The following PPP1R12B variants were observed in gnomAD, a reference collection of about 807,000 sequenced individuals.
PPP1R12B encodes myosin phosphatase target subunit 2.
Under a neutral mutation model 126.1 loss-of-function variants are expected in PPP1R12B, and 76 were observed. The observed-to-expected ratio is 0.60, with a 90% CI of 0.50 to 0.73. The LOEUF (loss-of-function observed/expected upper bound fraction) is 0.73. Among genes scored for constraint, PPP1R12B ranks in the 30% least tolerant of loss-of-function variants. The pLI is 0.00. For synonymous variants in PPP1R12B, 356 were observed against 434.7 expected, an observed-to-expected ratio of 0.82 and a Z score of 2.25; for missense variants, 1,052 against 1,205.1, an observed-to-expected ratio of 0.87 and a Z score of 1.88.
intron 13 of PPP1R12B, among the ~76,000 whole-genome samples, chr1:202,472,477 T>C (rs1032332489): frequency 2.0e-5 from 3 of 152,186 alleles, no homozygotes; most frequent in Non-Finnish European, 2.9e-5. Flanking sequence ...ACTGGCCTTG[T>C]TGGTGCTTGA....
intron 1 of PPP1R12B, among the ~76,000 whole-genome samples, chr1:202,395,114 CAAAAAA>C (rs71142529): frequency 1.6e-3 from 156 of 97,916 alleles, no homozygotes; most frequent in African/African-American, 6.2e-3. Flanking sequence ...GAGACTCTCT[CAAAAAA>C]AAAAAAAAAA....
At chr1:202,450,531 C>G (rs1672803492) in intron 13 of PPP1R12B, among the ~76,000 whole-genome samples, 1 of 152,164 alleles carries the variant, frequency 6.6e-6, no homozygotes, top group Admixed American at 6.5e-5. Context: ...CAGGTGAAAT[C>G]TTATCAAAAT....
At chr1:202,439,218 G>T in intron 10 of PPP1R12B, 1 of 1,423,582 alleles carries the variant, frequency 7.0e-7, no homozygotes, top group Non-Finnish European at 9.9e-7. Context: ...TGCTCCTGCA[G>T]CCTCGTTGGA....
At chr1:202,350,546 A>G (rs1409547060) in intron 1 of PPP1R12B, among the ~76,000 whole-genome samples, 1 of 152,242 alleles carries the variant, frequency 6.6e-6, no homozygotes, top group Non-Finnish European at 1.5e-5. Context: ...GATAAAAGCT[A>G]AGAGAACCAC....
At chr1:202,351,596 G>A (rs1476430722) in intron 1 of PPP1R12B, among the ~76,000 whole-genome samples, 1 of 152,258 alleles carries the variant, frequency 6.6e-6, no homozygotes, top group African/African-American at 2.4e-5. Context: ...GACTGGAGCT[G>A]TTGGTAGCTG....
rs1331355816 is a variant in PPP1R12B at position 202,430,690 on chromosome 1, G to A, written c.922-41G>A. The A allele has an allele frequency of 5.0e-6, 8 of 1,604,628 alleles. No individual in the cohort carries two copies. In the Admixed American group the frequency reaches 1.4e-4, roughly 27 times the overall value. ...CAATACTGCTGATTTTTCACCAATAGTCAACTTCTTCCCTTTTCTCTCTGT... is the reference window on the plus strand; with the variant it reads ...CAATACTGCTGATTTTTCACCAATAATCAACTTCTTCCCTTTTCTCTCTGT... On this transcript the variant is annotated intron_variant, in intron 6 of 23. Transcript: ENST00000608999.
chr1:202,395,530 C>G (rs1204175568), intron 1 of PPP1R12B, among the ~76,000 whole-genome samples: 2 of 152,126 alleles, frequency 1.3e-5, no homozygotes, highest in African/African-American at 4.8e-5. Flanking sequence ...GGTGATTTTT[C>G]CCTCCACCTT....
In PPP1R12B at chr1:202,574,956, C is replaced by T. The variant is rs781735782; in HGVS notation, c.2863-5518C>T. ...TTCTCTCCTCTGGTCTGTCTTGTCT[C>T]TCTCTGTCTTTTCTGTCTGTCCTTT... On this transcript the variant is annotated intron_variant, in intron 23 of 23. Transcript: ENST00000608999. The T allele has an allele frequency of 2.6e-6, 4 of 1,526,740 alleles. No individual in the cohort carries two copies. In the South Asian group the frequency reaches 4.5e-5, roughly 17 times the overall value. 94.6% of individuals were successfully genotyped at this position (1,526,740 alleles called of 1,614,324 possible). A position where few individuals can be genotyped will look rare whatever the true frequency, so the allele number is the denominator to read the frequency against.
intron 22 of PPP1R12B, 46 bp from the exon 23 acceptor site, chr1:202,569,101 C>T (rs1346156056): frequency 1.9e-6 from 3 of 1,594,764 alleles, no homozygotes; most frequent in African/African-American, 2.7e-5. Flanking sequence ...ATTTTTACTC[C>T]CTTCTGAATT....
At position 202,585,301 on chromosome 1, in the gene PPP1R12B, A is replaced by G. The variant is rs1689752390; in HGVS notation, c.*4741A>G. ...CGTAAGGGCCCACGCCCAGCCTACCATACTGATTTTCAAGGCAGGGTCTAA... is the reference window on the plus strand; with the variant it reads ...CGTAAGGGCCCACGCCCAGCCTACCGTACTGATTTTCAAGGCAGGGTCTAA... On this transcript the variant is annotated 3_prime_UTR_variant, in exon 24 of 24. Transcript: ENST00000608999. The G allele has an allele frequency of 6.6e-6, 1 of 152,268 alleles. No homozygotes were observed. Among genetic ancestry groups the G allele is most frequent in the African/African-American group, 2.4e-5 (1 of 41,468 alleles). 9.4% of individuals were successfully genotyped at this position (152,268 alleles called of 1,614,324 possible).
intron 18 of PPP1R12B, among the ~76,000 whole-genome samples, chr1:202,500,294 T>G (rs1019781121): frequency 6.6e-6 from 1 of 152,072 alleles, no homozygotes; most frequent in African/African-American, 2.4e-5. Flanking sequence ...ACCCCTATGT[T>G]TATTGCAGCA....
chr1:202,548,804 C>CTATA (rs1321500598), intron 18 of PPP1R12B, among the ~76,000 whole-genome samples: 330 of 82,140 alleles, frequency 4.0e-3, no homozygotes, highest in Non-Finnish European at 6.3e-3. Context: ...CTCTCTCTCT[C>CTATA]TCTCTATATA....
chr1:202,574,957 T>C (rs745312998), intron 23 of PPP1R12B: 2 of 1,528,398 alleles, frequency 1.3e-6, no homozygotes, highest in South Asian at 1.1e-5. Flanking sequence ...GTCTTGTCTC[T>C]CTCTGTCTTT....
At chr1:202,524,334 G>A (rs1335137358) in intron 18 of PPP1R12B, among the ~76,000 whole-genome samples, 1 of 152,180 alleles carries the variant, frequency 6.6e-6, no homozygotes, top group African/African-American at 2.4e-5. Context: ...AATGAAGCAG[G>A]TTGGGGAAGA....
chr1:202,532,848 A>G (rs1684107487), intron 18 of PPP1R12B, among the ~76,000 whole-genome samples: 1 of 148,562 alleles, frequency 6.7e-6, no homozygotes, highest in South Asian at 2.1e-4. Flanking sequence ...CTTTACCTAG[A>G]GATCACATTC....
At chr1:202,468,561 T>C (rs909601194) in intron 13 of PPP1R12B, among the ~76,000 whole-genome samples, 27 of 152,218 alleles carry the variant, frequency 1.8e-4, no homozygotes, top group African/African-American at 6.5e-4. Flanking sequence ...TATCTCTTTG[T>C]GGCAATTTTT....
chr1:202,424,251 T>TA (rs1030884308), intron 3 of PPP1R12B, among the ~76,000 whole-genome samples: 5 of 152,094 alleles, frequency 3.3e-5, no homozygotes, highest in African/African-American at 1.2e-4. Flanking sequence ...TGATCTGATT[T>TA]AAATTGGTTA....
intron 13 of PPP1R12B, among the ~76,000 whole-genome samples, chr1:202,480,753 G>A (rs1261513456): frequency 6.6e-6 from 1 of 152,124 alleles, no homozygotes; most frequent in African/African-American, 2.4e-5. Context: ...GCTTAATGCA[G>A]CAATATTTTA....
At chr1:202,389,739 C>A (rs1163253646) in intron 1 of PPP1R12B, among the ~76,000 whole-genome samples, 1 of 151,544 alleles carries the variant, frequency 6.6e-6, no homozygotes, top group African/African-American at 2.4e-5. Flanking sequence ...CCAGCCTGGC[C>A]AACATAGTGA....
Sources: allele counts gnomAD v4.1 joint callset (sites outside exome capture counted in the v4.1 genomes callset), GRCh38; gene constraint gnomAD v4.1.1; transcripts MANE v1.5; gene names NCBI Gene and HGNC (gene_info 2026-07-23, HGNC 2026-07-21).